ZNF385D: variants seen among roughly 807,000 people sequenced by gnomAD.
ZNF385D encodes the protein zinc finger protein 385D.
A neutral mutation model predicts 35.8 loss-of-function variants in ZNF385D; 15 were observed. The ratio of observed to expected loss-of-function variants is 0.42; its 90% CI spans 0.28 to 0.64. ZNF385D has a LOEUF of 0.64. Ranked by LOEUF, ZNF385D falls within the 30% of genes least tolerant of loss-of-function variation. ZNF385D has a pLI of 0.23. For synonymous variants in ZNF385D, 212 were observed against 186.8 expected (o/e 1.13, Z -1.10); for missense variants, 474 against 494.6 (o/e 0.96, Z 0.39).
intron 3 of ZNF385D, among the ~76,000 whole-genome samples, chr3:22,066,330 ATT>A (rs1699948206): frequency 1.2e-5 from 1 of 82,556 alleles, no homozygotes. Flanking sequence ...ATGTGTGTGT[ATT>A]AGTAAAAAGA....
At chr3:22,174,668 C>G (rs1694696439) in intron 2 of ZNF385D, among the ~76,000 whole-genome samples, 1 of 151,894 alleles carries the variant, frequency 6.6e-6, no homozygotes, top group African/African-American at 2.4e-5. Flanking sequence ...GATAATATCT[C>G]CAGAAATTAT....
At chr3:22,110,488 G>A (rs1365558296) in intron 3 of ZNF385D, among the ~76,000 whole-genome samples, 1 of 152,038 alleles carries the variant, frequency 6.6e-6, no homozygotes, top group African/African-American at 2.4e-5. Context: ...GTCCTTTGTA[G>A]GGACACGGAC....
At chr3:22,064,387 C>G (rs1367440000) in intron 3 of ZNF385D, among the ~76,000 whole-genome samples, 1 of 151,826 alleles carries the variant, frequency 6.6e-6, no homozygotes, top group African/African-American at 2.4e-5. Context: ...GAAAGCAGAG[C>G]ATTTGTTGCT....
At chr3:21,852,992 T>A (rs189502990) in intron 3 of ZNF385D, among the ~76,000 whole-genome samples, 12 of 151,964 alleles carry the variant, frequency 7.9e-5, no homozygotes, top group East Asian at 1.9e-4. Context: ...TAATAAAACA[T>A]CCCTCTGGAC....
At chr3:21,540,882 GT>G (rs1259818956) in intron 3 of ZNF385D, among the ~76,000 whole-genome samples, 1 of 151,926 alleles carries the variant, frequency 6.6e-6, no homozygotes, top group Admixed American at 6.6e-5. Flanking sequence ...TCCTCACGAG[GT>G]AAGACTTCCC....
At chr3:21,958,990 G>C (rs566676497) in intron 3 of ZNF385D, 2 of 152,140 alleles carry the variant, frequency 1.3e-5, no homozygotes, top group African/African-American at 2.4e-5. Flanking sequence ...AATATTACAA[G>C]ATAACATCTA....
intron 3 of ZNF385D, among the ~76,000 whole-genome samples, chr3:21,819,755 CATAATT>C (rs200612103): frequency 0.21 from 28,642 of 139,436 alleles, 2,924 homozygotes; most frequent in Middle Eastern, 0.21. Context: ...CACACGTACA[CATAATT>C]ATATATAATT....
At chr3:21,438,125 C>T (rs1204189579) in intron 4 of ZNF385D, among the ~76,000 whole-genome samples, 3 of 152,122 alleles carry the variant, frequency 2.0e-5, no homozygotes, top group Non-Finnish European at 4.4e-5. Flanking sequence ...TGCACAGCTC[C>T]CCTTCCAAAT....
intron 3 of ZNF385D, among the ~76,000 whole-genome samples, chr3:22,041,161 G>C (rs1349554153): frequency 2.8e-5 from 4 of 142,026 alleles, no homozygotes; most frequent in South Asian, 2.2e-4. Context: ...TCACCAAAAG[G>C]GTTGATATTT....
intron 3 of ZNF385D, among the ~76,000 whole-genome samples, chr3:21,831,035 ATG>A (rs1559669086): frequency 6.6e-6 from 1 of 152,202 alleles, no homozygotes; most frequent in Admixed American, 6.5e-5. Flanking sequence ...TTCAGAGTTT[ATG>A]TACCCAGCGA....
At chr3:21,758,825 G>C (rs1375632573) in intron 3 of ZNF385D, among the ~76,000 whole-genome samples, 1 of 151,800 alleles carries the variant, frequency 6.6e-6, no homozygotes, top group Non-Finnish European at 1.5e-5. Flanking sequence ...GGCAGAGGCA[G>C]ACACTGGCCT....
chr3:21,437,312 T>C, intron 4 of ZNF385D, 109 bp from the exon 5 acceptor site: 1 of 1,033,492 alleles, frequency 9.7e-7, no homozygotes, highest in East Asian at 2.6e-5. Flanking sequence ...TAAGAGCAGC[T>C]AGCAATTGCT....
At chr3:22,281,288 G>A (rs1056738550) in intron 2 of ZNF385D, among the ~76,000 whole-genome samples, 2 of 152,042 alleles carry the variant, frequency 1.3e-5, no homozygotes, top group African/African-American at 2.4e-5. Context: ...TAGAAGTGAT[G>A]AAAGTGGCCA....
At chr3:22,168,534 A>C (rs751277905) in intron 3 of ZNF385D, 2 of 152,448 alleles carry the variant, frequency 1.3e-5, no homozygotes, top group Non-Finnish European at 2.9e-5. Flanking sequence ...ATTTCCACAC[A>C]TAACTATACT....
At chr3:21,755,036 G>A (rs1192542826), upstream of ZNF385D, among the ~76,000 whole-genome samples, 1 of 152,208 alleles carries the variant, frequency 6.6e-6, no homozygotes, top group Admixed American at 6.5e-5. Flanking sequence ...ATTCAGTACA[G>A]ATGCCAGATG....
chr3:21,793,713 A>G (rs7614011), intron 3 of ZNF385D, among the ~76,000 whole-genome samples: 2,068 of 152,344 alleles, frequency 0.014, 50 homozygotes, highest in African/African-American at 0.047. Flanking sequence ...ATTTTTAAAT[A>G]GTTCTGTGCT....
At chr3:21,970,807 C>A (rs1363866657) in intron 3 of ZNF385D, among the ~76,000 whole-genome samples, 1 of 151,500 alleles carries the variant, frequency 6.6e-6, no homozygotes, top group African/African-American at 2.4e-5. Flanking sequence ...AAGGATCCCA[C>A]AAGGAAGAAG....
intron 3 of ZNF385D, among the ~76,000 whole-genome samples, chr3:22,121,630 C>T (rs1031500477): frequency 6.6e-6 from 1 of 151,170 alleles, no homozygotes; most frequent in Non-Finnish European, 1.5e-5. Flanking sequence ...TCCTCATGTT[C>T]CTGGGCTTGC....
chr3:21,639,349 GCATATGATA>G (rs1393042282), intron 2 of ZNF385D, among the ~76,000 whole-genome samples: 26 of 152,116 alleles, frequency 1.7e-4, no homozygotes, highest in Middle Eastern at 3.4e-3. Context: ...AGCTTTGGCA[GCATATGATA>G]CATAGTAAGT....
Sources: gnomAD v4.1 joint callset for allele counts (sites outside exome capture counted in the v4.1 genomes callset) on GRCh38, gnomAD v4.1.1 for gene constraint, MANE v1.5 for transcripts, NCBI Gene and HGNC (gene_info 2026-07-23, HGNC 2026-07-21) for gene names.